The following MALRD1 variants were observed in gnomAD, a reference collection of about 807,000 sequenced individuals.
MALRD1 encodes the protein MAM and LDL-receptor class A domain-containing protein 1.
In MALRD1, 247 loss-of-function variants were observed where a neutral mutation model predicts 242.1. That is an observed-to-expected ratio of 1.02 (90% CI 0.92 to 1.13). The LOEUF (loss-of-function observed/expected upper bound fraction) is 1.13, where lower values mean the gene tolerates loss of function less well. Ranked by LOEUF, MALRD1 falls within the 50% of genes most tolerant of loss-of-function variation. MALRD1 has a pLI of 0.00. For missense variants in MALRD1, 2,989 were observed against 2,533.1 expected (o/e 1.18, Z -3.86); for synonymous variants, 995 against 866.6 (o/e 1.15, Z -2.60).
intron 2 of MALRD1, among the ~76,000 whole-genome samples, chr10:19,068,602 G>A (rs4408229): frequency 0.56 from 84,694 of 151,850 alleles, 24,083 homozygotes; most frequent in African/African-American, 0.67. Context: ...TTTGGTAATA[G>A]TCATGCATCT....
intron 33 of MALRD1, among the ~76,000 whole-genome samples, chr10:19,594,042 G>A (rs1040739930): frequency 6.6e-6 from 1 of 152,074 alleles, no homozygotes; most frequent in Non-Finnish European, 1.5e-5. Flanking sequence ...CCCTGGCCAG[G>A]GTCTCAAGAG....
At chr10:19,096,772 T>C (rs1368105276) in intron 4 of MALRD1, among the ~76,000 whole-genome samples, 5 of 152,212 alleles carry the variant, frequency 3.3e-5, no homozygotes, top group Admixed American at 3.3e-4. Flanking sequence ...CATGCTGGCT[T>C]CTAATAGCTT....
chr10:19,101,755 A>C (rs1304235656), intron 4 of MALRD1, among the ~76,000 whole-genome samples: 1 of 136,206 alleles, frequency 7.3e-6, no homozygotes, highest in Non-Finnish European at 1.5e-5. Flanking sequence ...TATAATATAT[A>C]TTATAATATG....
At position 19,531,281 on chromosome 10, in the gene MALRD1, C is replaced by A. The variant is rs1488850528; in HGVS notation, c.5408C>A (p.Ala1803Glu). 3 of 1,550,250 alleles carry A rather than the reference C, an allele frequency of 1.9e-6. No homozygotes were observed. The highest frequency in any genetic ancestry group is 2.6e-6 in the Non-Finnish European group (3 of 1,146,842). The change falls in exon 32 of 40, where the codon GCA (alanine) becomes GAA (glutamate). Residue 1803 changes from alanine (A) to glutamate (E), a missense_variant. Coordinates refer to ENST00000454679, the MANE Select transcript of MALRD1 (RefSeq NM_001142308.3). ...ARITTSKSFP[A>E]SLGMCTVRFW... ...ATTACTACTTCCAAATCCTTCCCAG[C>A]AAGCCTTGGAATGTGTACTGTTCGG...
At chr10:19,677,553 A>G (rs2131781159) in intron 36 of MALRD1, among the ~76,000 whole-genome samples, 1 of 152,268 alleles carries the variant, frequency 6.6e-6, no homozygotes, top group Middle Eastern at 3.4e-3. Context: ...AGTCCCTTGT[A>G]CATTCTGGAT....
chr10:19,364,063 A>G (rs1423155624), intron 26 of MALRD1, among the ~76,000 whole-genome samples: 1 of 152,080 alleles, frequency 6.6e-6, no homozygotes, highest in Non-Finnish European at 1.5e-5. Flanking sequence ...AAAAAAGTTA[A>G]AAAATATCAG....
chr10:19,238,468 A>AATATATAATGTATATT (rs1564492562), intron 18 of MALRD1, among the ~76,000 whole-genome samples: 2 of 38,066 alleles, frequency 5.3e-5, no homozygotes, highest in African/African-American at 3.1e-4. Context: ...TATATAATAT[A>AATATATAATGTATATT]ATATATAATA....
chr10:19,692,595 C>T, intron 38 of MALRD1, 41 bp downstream of exon 38: 1 of 1,455,056 alleles, frequency 6.9e-7, no homozygotes, highest in South Asian at 1.3e-5. Flanking sequence ...TATACCGTAG[C>T]AGAAAAATTT....
In MALRD1 at chr10:19,203,896, G is replaced by A. The variant is rs1367421401; in HGVS notation, c.2104+16G>A. 6.5e-7 allele frequency: 1 copy of A among 1,550,168 alleles called. No homozygotes were observed. Among genetic ancestry groups the A allele is most frequent in the Admixed American group, 2.0e-5 (1 of 50,958 alleles). ...GCATCTCAAGGTAAGAAGCAAACAG[G>A]GACTCTACAACCACTGCTATTTACT... is the stretch of plus-strand genomic sequence containing the variant. On this transcript the variant is annotated intron_variant, in intron 15 of 39. Coordinates refer to ENST00000454679, the MANE Select transcript of MALRD1 (RefSeq NM_001142308.3).
intron 14 of MALRD1, among the ~76,000 whole-genome samples, chr10:19,203,372 G>A (rs1053135438): frequency 6.6e-6 from 1 of 152,080 alleles, no homozygotes; most frequent in Non-Finnish European, 1.5e-5. Flanking sequence ...CAGGAACAAT[G>A]ATGCCTCCCA....
intron 18 of MALRD1, among the ~76,000 whole-genome samples, chr10:19,235,199 G>C (rs1838257970): frequency 1.3e-5 from 2 of 152,114 alleles, no homozygotes; most frequent in Non-Finnish European, 2.9e-5. Flanking sequence ...TCTTTTGGCT[G>C]TAAGGGGGAC....
chr10:19,113,828 CACAG>C (rs1169927965), intron 5 of MALRD1, among the ~76,000 whole-genome samples: 15 of 141,702 alleles, frequency 1.1e-4, no homozygotes, highest in East Asian at 1.0e-3. Flanking sequence ...CACACACACA[CACAG>C]ACACACACAC....
At chr10:19,101,511 TC>T (rs1836253265) in intron 4 of MALRD1, among the ~76,000 whole-genome samples, 2 of 136,378 alleles carry the variant, frequency 1.5e-5, no homozygotes, top group Admixed American at 1.5e-4. Flanking sequence ...CATATGTATA[TC>T]ATTATATAAT....
chr10:19,350,877 C>A (rs1427409345), intron 25 of MALRD1, among the ~76,000 whole-genome samples: 1 of 151,944 alleles, frequency 6.6e-6, no homozygotes, highest in Non-Finnish European at 1.5e-5. Context: ...TGGCCCCTGG[C>A]CACTTTGTTT....
upstream of MALRD1, among the ~76,000 whole-genome samples, chr10:19,048,083 A>T (rs1834383278): frequency 2.0e-5 from 3 of 152,192 alleles, no homozygotes; most frequent in South Asian, 6.2e-4. Context: ...CTGAATATGC[A>T]TCCTGAAATC....
At chr10:19,246,869 A>G (rs116098253) in intron 18 of MALRD1, among the ~76,000 whole-genome samples, 2,149 of 152,226 alleles carry the variant, frequency 0.014, 44 homozygotes, top group African/African-American at 0.049. Flanking sequence ...TTAATGGACA[A>G]TTTCATCAGT....
intron 10 of MALRD1, among the ~76,000 whole-genome samples, chr10:19,137,668 C>A (rs76239014): frequency 2.0e-5 from 3 of 150,970 alleles, no homozygotes; most frequent in African/African-American, 7.3e-5. Flanking sequence ...TTGGGAGGGC[C>A]AAAGTGCCCC....
chr10:19,654,453 A>G (rs536046652), intron 36 of MALRD1, among the ~76,000 whole-genome samples: 1 of 152,324 alleles, frequency 6.6e-6, no homozygotes, highest in African/African-American at 2.4e-5. Flanking sequence ...GGCTGACTTC[A>G]GCTGGGACAA....
intron 36 of MALRD1, among the ~76,000 whole-genome samples, chr10:19,650,295 A>C (rs962562804): frequency 1.2e-4 from 19 of 152,206 alleles, no homozygotes; most frequent in African/African-American, 4.6e-4. Context: ...CATGAAATAC[A>C]ACACAACTTC....
Sources: gnomAD v4.1 joint callset for allele counts (sites outside exome capture counted in the v4.1 genomes callset) on GRCh38, gnomAD v4.1.1 for gene constraint, MANE v1.5 for transcripts, NCBI Gene and HGNC (gene_info 2026-07-23, HGNC 2026-07-21) for gene names.